VGLL3: variants seen among roughly 807,000 people sequenced by gnomAD.
The protein encoded by VGLL3 is vestigial like family member 3.
VGLL3 carries 18 observed loss-of-function variants against 29.2 expected under a neutral mutation model. That is an observed-to-expected ratio of 0.62 (90% CI 0.43 to 0.91). The LOEUF (loss-of-function observed/expected upper bound fraction) is 0.91. Among genes scored for constraint, VGLL3 ranks in the 40% least tolerant of loss-of-function variants. The pLI, the probability that VGLL3 is intolerant of heterozygous loss-of-function variation, is 0.00. For synonymous variants in VGLL3, 180 were observed against 151.8 expected, an observed-to-expected ratio of 1.19 and a Z score of -1.36; for missense variants, 440 against 413.2, an observed-to-expected ratio of 1.06 and a Z score of -0.56.
At chr3:86,960,163 A>G (rs913926806) in intron 3 of VGLL3, among the ~76,000 whole-genome samples, 1 of 152,160 alleles carries the variant, frequency 6.6e-6, no homozygotes, top group Non-Finnish European at 1.5e-5. Context: ...AGTGAATAGT[A>G]TATAACAATT....
chr3:86,961,581 C>A (rs1015153653), intron 3 of VGLL3, among the ~76,000 whole-genome samples: 1 of 152,056 alleles, frequency 6.6e-6, no homozygotes, highest in Non-Finnish European at 1.5e-5. Context: ...ATGTTGTACA[C>A]GATCACAAAT....
At chr3:86,964,451 G>GA (rs925599817) in intron 3 of VGLL3, among the ~76,000 whole-genome samples, 3 of 152,096 alleles carry the variant, frequency 2.0e-5, no homozygotes, top group Non-Finnish European at 4.4e-5. Flanking sequence ...TAGATACAGT[G>GA]AAAAAATGAA....
chr3:86,962,443 A>G lies in VGLL3; in HGVS notation c.937+6147T>C, dbSNP rs1207941156. Reference sequence around the variant, plus strand: ...TCCTCACCACCACTCAGCCCTTCGGAAAAAATGGACCACCTTACTTCATTC... The same window carrying G: ...TCCTCACCACCACTCAGCCCTTCGGGAAAAATGGACCACCTTACTTCATTC... On this transcript the variant is annotated intron_variant, in intron 3 of 3. Coordinates refer to ENST00000398399, the MANE Select transcript of VGLL3 (RefSeq NM_016206.4). 5 of 985,278 alleles carry G rather than the reference A, an allele frequency of 5.1e-6. No individual in the cohort carries two copies. The African/African-American group carries it at 5.2e-5, about 10-fold the overall frequency. 61.0% of individuals were successfully genotyped at this position (985,278 alleles called of 1,614,324 possible).
Position 86,968,941 on chromosome 3 carries a change from C to T in VGLL3, c.586G>A (p.Gly196Ser). 2 of 1,614,054 alleles carry T rather than the reference C, an allele frequency of 1.2e-6. No individual in the cohort carries two copies. The highest frequency in any genetic ancestry group is 1.7e-6 in the Non-Finnish European group (2 of 1,180,014). Residue 196 changes from glycine (G) to serine (S), a missense_variant, in exon 3 of 4, where the codon GGC becomes AGC. Physicochemically the swap from Gly to Ser is moderately conservative, Grantham distance 56 (BLOSUM62 0). Coordinates refer to ENST00000398399, the MANE Select transcript of VGLL3 (RefSeq NM_016206.4). ...GACACAGCAGGGGGAGGGGCTGGGC[C>T]AGTCTGATGCAGGTTGTGTCCCGGC... is the stretch of plus-strand genomic sequence containing the variant. ...PWPGHNLHQTGPAPPPAVSES... is the reference protein window; with the variant it reads ...PWPGHNLHQTSPAPPPAVSES...
chr3:86,951,086 TA>T lies in VGLL3; in HGVS notation c.938-4020del, dbSNP rs924536818. 8.8e-5 allele frequency among the ~76,000 whole-genome samples: 13 copies of T among 147,992 alleles called. No individual in the cohort carries two copies. The East Asian group carries it at 9.9e-4, about 11-fold the overall frequency. On this transcript the variant is annotated intron_variant, in intron 3 of 3. Transcript: ENST00000398399. ...GATGAGAGTAAAGGAAATAAAAACA[TA>T]AAAAAAAAGACACCCACCACAACAA...
rs904952077 is a variant in VGLL3 at position 86,942,157 on chromosome 3, T to C, written c.*4867A>G. 3.3e-5 allele frequency: 5 copies of C among 152,194 alleles called. No individual in the cohort carries two copies. Among genetic ancestry groups the C allele is most frequent in the African/African-American group, 9.7e-5 (4 of 41,448 alleles). The allele number at this position is 152,194 out of a possible 1,614,324, so 9.4% of individuals were successfully genotyped here. A position where few individuals can be genotyped will look rare whatever the true frequency, so the allele number is the denominator to read the frequency against. Reference sequence around the variant, plus strand: ...CAAGCCTTTCTTATTCTGAAAGATGTCTTTTATCTTACAGGAAAGAAAAAA... The same window carrying C: ...CAAGCCTTTCTTATTCTGAAAGATGCCTTTTATCTTACAGGAAAGAAAAAA... On this transcript the variant is annotated 3_prime_UTR_variant, in exon 4 of 4. Coordinates refer to ENST00000398399, the MANE Select transcript of VGLL3 (RefSeq NM_016206.4).
intron 3 of VGLL3, among the ~76,000 whole-genome samples, chr3:86,966,523 C>A (rs1704962641): frequency 6.6e-6 from 1 of 151,776 alleles, no homozygotes; most frequent in African/African-American, 2.4e-5. Flanking sequence ...AATAGGAAAA[C>A]CTTCATCTTT....
intron 1 of VGLL3, chr3:86,990,201 A>T: frequency 1.6e-6 from 1 of 627,192 alleles, no homozygotes; most frequent in Non-Finnish European, 2.0e-6. Context: ...AGCTTCCCCT[A>T]CCTCTGTCAG....
chr3:86,956,583 G>A (rs1185774209), intron 3 of VGLL3, among the ~76,000 whole-genome samples: 2 of 152,020 alleles, frequency 1.3e-5, no homozygotes, highest in African/African-American at 4.8e-5. Context: ...TCAGGAGATC[G>A]AGATCATCCT....
chr3:86,961,002 T>C (rs1296267787), intron 3 of VGLL3, among the ~76,000 whole-genome samples: 2 of 150,760 alleles, frequency 1.3e-5, no homozygotes, highest in Non-Finnish European at 3.0e-5. Flanking sequence ...AATATTAGGT[T>C]ACCTAAATAT....
At chr3:86,947,189 C>T (rs1176761068) in intron 3 of VGLL3, 122 bp from the exon 4 acceptor site, 1 of 682,506 alleles carries the variant, frequency 1.5e-6, no homozygotes, top group African/African-American at 1.8e-5. Context: ...ACTGTGAGTT[C>T]TGACCTGAAG....
intron 3 of VGLL3, chr3:86,962,206 C>A (rs1171872371): frequency 4.1e-6 from 4 of 985,256 alleles, no homozygotes; most frequent in East Asian, 1.1e-4. Flanking sequence ...GACTTATGAT[C>A]ATACCATACT....
At chr3:86,975,189 C>T (rs1023125577) in intron 2 of VGLL3, among the ~76,000 whole-genome samples, 1 of 152,122 alleles carries the variant, frequency 6.6e-6, no homozygotes, top group African/African-American at 2.4e-5. Context: ...AAATGGACTC[C>T]AAAGACTGTA....
At chr3:86,957,519 T>C (rs776325509) in intron 3 of VGLL3, among the ~76,000 whole-genome samples, 12 of 152,182 alleles carry the variant, frequency 7.9e-5, no homozygotes, top group African/African-American at 1.2e-4. Context: ...CATTGGGTTC[T>C]CCCAGCTGTG....
chr3:86,991,069 GC>G lies in VGLL3; in HGVS notation c.-327del. The G allele has an allele frequency of 2.4e-6, 1 of 420,856 alleles. No individual in the cohort carries two copies. Among genetic ancestry groups the G allele is most frequent in the Non-Finnish European group, 3.2e-6 (1 of 312,432 alleles). The allele number at this position is 420,856 out of a possible 1,614,324, so 26.1% of individuals were successfully genotyped here. On this transcript the variant is annotated 5_prime_UTR_variant, in exon 1 of 4. Coordinates refer to ENST00000398399, the MANE Select transcript of VGLL3 (RefSeq NM_016206.4). ...GTCCGGCTCCCGCGAGGGCTGCGGCGCCCACGGCAGCGCCAGTCACAGCCAC... is the reference window on the plus strand; with the variant it reads ...GTCCGGCTCCCGCGAGGGCTGCGGCGCCACGGCAGCGCCAGTCACAGCCAC...
At chr3:86,962,692 C>A (rs1328264682) in intron 3 of VGLL3, 1 of 825,296 alleles carries the variant, frequency 1.2e-6, no homozygotes, top group Non-Finnish European at 1.5e-6. Context: ...AGATATATTT[C>A]CAAGAGAATT....
In VGLL3 at chr3:86,985,823, G is replaced by A. The variant is rs182122495; in HGVS notation, c.126+4795C>T. On this transcript the variant is annotated intron_variant, in intron 1 of 3. Transcript: ENST00000398399. ...TACCCTAACATATTATCTATTACAA[G>A]ATATATTAGTTTTCAGATTTTTAAA... is the stretch of plus-strand genomic sequence containing the variant. Among the ~76,000 whole-genome samples the A allele has an allele frequency of 2.0e-5, 3 of 152,174 alleles. No individual in the cohort carries two copies. The East Asian group carries it at 5.8e-4, about 29-fold the overall frequency.
intron 1 of VGLL3, among the ~76,000 whole-genome samples, chr3:86,983,760 T>C (rs530668011): frequency 3.9e-5 from 6 of 152,206 alleles, no homozygotes; most frequent in Non-Finnish European, 7.3e-5. Context: ...TCAAGTTATA[T>C]GAGGTTGGGT....
intron 1 of VGLL3, among the ~76,000 whole-genome samples, chr3:86,985,953 G>T (rs186271066): frequency 6.6e-6 from 1 of 152,058 alleles, no homozygotes; most frequent in African/African-American, 2.4e-5. Flanking sequence ...ATCTGCCTTA[G>T]GCATCATAAG....
Sources: gnomAD v4.1 joint callset for allele counts (sites outside exome capture counted in the v4.1 genomes callset) on GRCh38, gnomAD v4.1.1 for gene constraint, MANE v1.5 for transcripts, NCBI Gene and HGNC (gene_info 2026-07-23, HGNC 2026-07-21) for gene names.